NR3C2: variants seen among roughly 807,000 people sequenced by gnomAD.
NR3C2 encodes mineralocorticoid receptor.
In NR3C2, 15 loss-of-function variants were observed where a neutral mutation model predicts 86.4. The observed-to-expected ratio is 0.17, with a 90% CI of 0.12 to 0.27. The LOEUF (loss-of-function observed/expected upper bound fraction) is 0.27, where lower values mean the gene tolerates loss of function less well. Ranked by LOEUF, NR3C2 falls within the 10% of genes least tolerant of loss-of-function variation. The probability of loss-of-function intolerance (pLI) is 1.00; values close to 1 mark genes in which losing one functional copy is unlikely to be tolerated. For synonymous variants in NR3C2, 458 were observed against 450.5 expected, an observed-to-expected ratio of 1.02 and a Z score of -0.21; for missense variants, 960 against 1,195.6, an observed-to-expected ratio of 0.80 and a Z score of 2.91.
At chr4:148,309,107 G>A (rs527659394) in intron 2 of NR3C2, among the ~76,000 whole-genome samples, 15 of 151,950 alleles carry the variant, frequency 9.9e-5, no homozygotes, top group African/African-American at 3.1e-4. Flanking sequence ...TACATTATAC[G>A]TATCAAAACA....
intron 6 of NR3C2, among the ~76,000 whole-genome samples, chr4:148,124,659 T>C (rs982939833): frequency 1.3e-5 from 2 of 152,218 alleles, no homozygotes; most frequent in African/African-American, 2.4e-5. Flanking sequence ...TTAGCCATTG[T>C]CCCTTCAAAT....
At chr4:148,115,792 T>C (rs1732248600) in intron 7 of NR3C2, among the ~76,000 whole-genome samples, 1 of 152,246 alleles carries the variant, frequency 6.6e-6, no homozygotes, top group Admixed American at 6.5e-5. Flanking sequence ...TAATAGCAAC[T>C]GCACAAATTC....
intron 8 of NR3C2, among the ~76,000 whole-genome samples, chr4:148,086,094 T>C (rs544771698): frequency 5.3e-5 from 8 of 152,062 alleles, no homozygotes; most frequent in South Asian, 2.1e-4. Flanking sequence ...TTCCAAACAA[T>C]AGAAAAAGAG....
chr4:148,351,474 C>T lies in NR3C2; in HGVS notation c.1757+83630G>A, dbSNP rs370180933. ...GTCTTTTCTAATATGTAACATTTGC[C>T]TCTTTCTTCTTTCTGATCAGGACCA... is the stretch of plus-strand genomic sequence containing the variant. On this transcript the variant is annotated intron_variant, in intron 2 of 8. Transcript: ENST00000358102. 6.6e-5 allele frequency among the ~76,000 whole-genome samples: 10 copies of T among 152,218 alleles called. No individual in the cohort carries two copies. In the East Asian group the frequency reaches 1.5e-3, roughly 24 times the overall value.
chr4:148,324,075 C>G (rs981466803), intron 2 of NR3C2, among the ~76,000 whole-genome samples: 1 of 152,154 alleles, frequency 6.6e-6, no homozygotes, highest in African/African-American at 2.4e-5. Flanking sequence ...GTGAGACCAT[C>G]ATCTACCACC....
chr4:148,351,046 CAA>C (rs1383863508), intron 2 of NR3C2, among the ~76,000 whole-genome samples: 2 of 152,130 alleles, frequency 1.3e-5, no homozygotes, highest in Non-Finnish European at 2.9e-5. Context: ...TAACCAGCCT[CAA>C]GTGTCTGTGT....
intron 2 of NR3C2, among the ~76,000 whole-genome samples, chr4:148,319,343 T>C (rs1743418488): frequency 6.6e-6 from 1 of 152,220 alleles, no homozygotes; most frequent in African/African-American, 2.4e-5. Flanking sequence ...TGGCTTAGGA[T>C]TGACTTGGCG....
chr4:148,418,553 T>C (rs998910584), intron 2 of NR3C2, among the ~76,000 whole-genome samples: 1 of 152,216 alleles, frequency 6.6e-6, no homozygotes, highest in Non-Finnish European at 1.5e-5. Flanking sequence ...AATTTATTAA[T>C]ACTACATTGT....
chr4:148,410,850 T>C (rs950263453), intron 2 of NR3C2, among the ~76,000 whole-genome samples: 1 of 152,140 alleles, frequency 6.6e-6, no homozygotes, highest in Non-Finnish European at 1.5e-5. Context: ...GTATCACACA[T>C]CATTTGGCCA....
chr4:148,304,537 G>A (rs1384547189), intron 2 of NR3C2, among the ~76,000 whole-genome samples: 1 of 151,942 alleles, frequency 6.6e-6, no homozygotes, highest in Non-Finnish European at 1.5e-5. Context: ...CTTCTGCTGG[G>A]GACCCTTAGA....
At chr4:148,085,523 GCC>G (rs1730773054) in intron 8 of NR3C2, among the ~76,000 whole-genome samples, 1 of 152,244 alleles carries the variant, frequency 6.6e-6, no homozygotes, top group Non-Finnish European at 1.5e-5. Flanking sequence ...AGCACTAAAT[GCC>G]CACAGGAGAC....
intron 2 of NR3C2, 44 bp from the exon 3 acceptor site, chr4:148,260,161 A>G (rs931165996): frequency 6.2e-7 from 1 of 1,612,156 alleles, no homozygotes. Context: ...CCGTAAAGGC[A>G]CATTTAACAT....
chr4:148,363,425 C>G (rs1315126725), intron 2 of NR3C2, among the ~76,000 whole-genome samples: 2 of 151,002 alleles, frequency 1.3e-5, no homozygotes, highest in Non-Finnish European at 1.5e-5. Context: ...GTATCAAAGT[C>G]ACAGGCATCG....
chr4:148,190,442 T>C (rs1736141291), intron 4 of NR3C2, among the ~76,000 whole-genome samples: 1 of 152,214 alleles, frequency 6.6e-6, no homozygotes, highest in African/African-American at 2.4e-5. Context: ...AGGCTTGTTT[T>C]ACGGCCTATC....
chr4:148,157,229 A>G (rs553055163), intron 4 of NR3C2, among the ~76,000 whole-genome samples: 9 of 151,606 alleles, frequency 5.9e-5, no homozygotes, highest in South Asian at 2.1e-4. Context: ...TGGGTGCAGC[A>G]CACCATCATG....
intron 2 of NR3C2, among the ~76,000 whole-genome samples, chr4:148,357,508 TCCC>T (rs1037881073): frequency 2.8e-4 from 42 of 152,186 alleles, no homozygotes; most frequent in African/African-American, 9.2e-4. Flanking sequence ...CATGGAAGTC[TCCC>T]CCAAGTCATA....
intron 2 of NR3C2, among the ~76,000 whole-genome samples, chr4:148,292,726 G>A (rs1001424488): frequency 2.0e-5 from 3 of 152,012 alleles, no homozygotes; most frequent in African/African-American, 4.8e-5. Flanking sequence ...CAAACAGCAA[G>A]GTCCTTGACT....
At position 148,344,886 on chromosome 4, in the gene NR3C2, T is replaced by C. The variant is rs72656834; in HGVS notation, c.1758-84769A>G. Among the ~76,000 whole-genome samples the C allele has an allele frequency of 3.1e-3, 479 of 152,300 alleles. 2 individuals carry two copies. Among genetic ancestry groups the C allele is most frequent in the African/African-American group, 0.011 (441 of 41,574 alleles). Reference sequence around the variant, plus strand: ...CTTTAAACATTATTCCAAGGCCATATAGAATTAGCAATTCTGCTTGTTTAC... The same window carrying C: ...CTTTAAACATTATTCCAAGGCCATACAGAATTAGCAATTCTGCTTGTTTAC... On this transcript the variant is annotated intron_variant, in intron 2 of 8. Transcript: ENST00000358102.
chr4:148,444,324 C>T (rs1214884178), upstream of NR3C2: 1 of 985,328 alleles, frequency 1.0e-6, no homozygotes, highest in African/African-American at 1.7e-5. Flanking sequence ...CAGGGGCAGC[C>T]GCCGCGATCA....
Sources: allele counts gnomAD v4.1 joint callset (sites outside exome capture counted in the v4.1 genomes callset), GRCh38; gene constraint gnomAD v4.1.1; transcripts MANE v1.5; gene names NCBI Gene and HGNC (gene_info 2026-07-23, HGNC 2026-07-21).